TULP1: variants seen among roughly 807,000 people sequenced by gnomAD.
TULP1 encodes TUB like protein 1, also known as tubby-related protein 1.
Under a neutral mutation model 67.1 loss-of-function variants are expected in TULP1, and 50 were observed. The observed-to-expected ratio is 0.75, with a 90% confidence interval of 0.59 to 0.94. TULP1 has a LOEUF of 0.94. Ranked by LOEUF, TULP1 falls within the 40% of genes least tolerant of loss-of-function variation. The pLI is 0.00. For synonymous variants in TULP1, 297 were observed against 294.0 expected, an observed-to-expected ratio of 1.01 and a Z score of -0.11; for missense variants, 746 against 734.1, an observed-to-expected ratio of 1.02 and a Z score of -0.19.
intron 11 of TULP1, among the ~76,000 whole-genome samples, chr6:35,505,184 G>A (rs1230208135): frequency 2.0e-5 from 3 of 152,090 alleles, no homozygotes; most frequent in Non-Finnish European, 4.4e-5. Flanking sequence ...TGATCCACCC[G>A]CCTTGGCCTC....
In TULP1 at chr6:35,505,985, C is replaced by T. The variant is rs750063639; in HGVS notation, c.999+18G>A. Reference sequence around the variant, plus strand: ...GGATCCCTCCACACTCCCTCCTCTGCTGCCTCTCCCCACCCACCTTCTTCT... The same window carrying T: ...GGATCCCTCCACACTCCCTCCTCTGTTGCCTCTCCCCACCCACCTTCTTCT... On this transcript the variant is annotated intron_variant, in intron 10 of 14. Transcript: ENST00000229771. 4.3e-6 allele frequency: 7 copies of T among 1,614,142 alleles called. No homozygotes were observed. The Admixed American group carries it at 6.7e-5, about 15-fold the overall frequency.
rs371698754 is a variant in TULP1, at chr6:35,499,907, G to A, written c.1495+74C>T. Reference sequence around the variant, plus strand: ...CTGGTGTGTGTGTGTGTGAGGGGGTGAGGGGAGCTTGAATGAAGGTCAGCA... The same window carrying A: ...CTGGTGTGTGTGTGTGTGAGGGGGTAAGGGGAGCTTGAATGAAGGTCAGCA... On this transcript the variant is annotated intron_variant, in intron 14 of 14. Coordinates refer to ENST00000229771, the MANE Select transcript of TULP1 (RefSeq NM_003322.6). 148 of 1,553,860 alleles carry A rather than the reference G, an allele frequency of 9.5e-5. 4 individuals carry two copies. In the South Asian group the frequency reaches 1.6e-3, roughly 17 times the overall value.
Position 35,499,833 on chromosome 6 carries a change from A to G in TULP1, c.1495+148T>C, listed in dbSNP as rs528494318. On this transcript the variant is annotated intron_variant, in intron 14 of 14. Transcript: ENST00000229771. Reference sequence around the variant, plus strand: ...TCCTGAGAGCACAGTGTCAGTGCCTATGGAGGAGAGAGTGACCCTGTGGGA... The same window carrying G: ...TCCTGAGAGCACAGTGTCAGTGCCTGTGGAGGAGAGAGTGACCCTGTGGGA... 1.6e-5 allele frequency: 16 copies of G among 983,030 alleles called. No homozygotes were observed. In the South Asian group the frequency reaches 2.0e-4, roughly 12 times the overall value. 60.9% of individuals were successfully genotyped at this position (983,030 alleles called of 1,614,324 possible). A position where few individuals can be genotyped will look rare whatever the true frequency, so the allele number is the denominator to read the frequency against.
intron 7 of TULP1, 96 bp from the exon 8 acceptor site, chr6:35,509,408 A>G (rs1761151110): frequency 8.0e-7 from 1 of 1,250,980 alleles, no homozygotes. Context: ...CCCCACAACC[A>G]CAAGAGAGTC....
rs1224183242 is a variant in TULP1, at chr6:35,498,094, G to A, written c.*233C>T. ...GCAGGCGAGCTCCGAGACCAGATGTGCGGCTCCAACTCCAGATGTTCTTCA... is the reference window on the plus strand; with the variant it reads ...GCAGGCGAGCTCCGAGACCAGATGTACGGCTCCAACTCCAGATGTTCTTCA... On this transcript the variant is annotated 3_prime_UTR_variant, in exon 15 of 15. Coordinates refer to ENST00000229771, the MANE Select transcript of TULP1 (RefSeq NM_003322.6). This position sits in a 1 kb window ranked among gnomAD's most constrained non-coding sequence, Gnocchi z 6.7. 4.5e-6 allele frequency: 3 copies of A among 661,144 alleles called. No individual in the cohort carries two copies. The highest frequency in any genetic ancestry group is 7.6e-6 in the Non-Finnish European group (3 of 395,060). 41.0% of individuals were successfully genotyped at this position (661,144 alleles called of 1,614,324 possible).
At chr6:35,509,799 C>A (rs752309758) in intron 6 of TULP1, 28 bp downstream of exon 6, 2 of 1,614,004 alleles carry the variant, frequency 1.2e-6, no homozygotes, top group South Asian at 1.1e-5. Flanking sequence ...CAACTGGAGT[C>A]CCCTGTTCCT....
At position 35,512,260 on chromosome 6, in the gene TULP1, G is replaced by C. The variant is rs1761225244; in HGVS notation, c.110C>G (p.Pro37Arg). 1 of 1,398,002 alleles carries C rather than the reference G, an allele frequency of 7.2e-7. No individual in the cohort carries two copies. The allele number at this position is 1,398,002 out of a possible 1,614,324, so 86.6% of individuals were successfully genotyped here. ...CCTCTTCTTCCTTAGCCTCTGTGCC[G>C]GGGCGGGTCGCTGCGGAACGGGGGT... The part of the protein sequence containing the change: ...APRRPKQRPA[P>R]AQRLRKKRTE... Residue 37 changes from proline (P) to arginine (R), a missense_variant, in exon 3 of 15, where the codon CCG (proline) becomes CGG (arginine). Pro to Arg is a moderately radical substitution (Grantham distance 103). Transcript: ENST00000229771.
Position 35,498,299 on chromosome 6 carries a change from C to T in TULP1, c.*28G>A, listed in dbSNP as rs1768746225. 6 of 1,610,400 alleles carry T rather than the reference C, an allele frequency of 3.7e-6. No individual in the cohort carries two copies. Among genetic ancestry groups the T allele is most frequent in the African/African-American group, 1.3e-5 (1 of 74,876 alleles). On this transcript the variant is annotated 3_prime_UTR_variant, in exon 15 of 15. Coordinates refer to ENST00000229771, the MANE Select transcript of TULP1 (RefSeq NM_003322.6). This position sits in a 1 kb window ranked among gnomAD's most constrained non-coding sequence, Gnocchi z 6.7. ...GAATCCTTTCCCCCACGCTGACGGG[C>T]TCTGGGGGCGCTGAGGGGCTGCTGG...
chr6:35,497,936 C>T lies in TULP1; in HGVS notation c.*391G>A, dbSNP rs1038828059. 3.3e-6 allele frequency: 1 copy of T among 307,038 alleles called. No individual in the cohort carries two copies. Among genetic ancestry groups the T allele is most frequent in the South Asian group, 3.8e-5 (1 of 26,092 alleles). The allele number at this position is 307,038 out of a possible 1,614,324, so 19.0% of individuals were successfully genotyped here. A position where few individuals can be genotyped will look rare whatever the true frequency, so the allele number is the denominator to read the frequency against. On this transcript the variant is annotated 3_prime_UTR_variant, in exon 15 of 15. Coordinates refer to ENST00000229771, the MANE Select transcript of TULP1 (RefSeq NM_003322.6). ...CTGGCCCTCGTCCCCCATCACCTAC[C>T]CCCTCCTCCTAGCCCGCCCCAGCTC...
At chr6:35,500,489 G>C (rs79078342) in intron 13 of TULP1, among the ~76,000 whole-genome samples, 2,664 of 152,286 alleles carry the variant, frequency 0.017, 41 homozygotes, top group Middle Eastern at 0.051. Context: ...AGCCAATCTT[G>C]GACCTGCAAA....
intron 11 of TULP1, chr6:35,504,216 G>A: frequency 3.6e-6 from 1 of 280,386 alleles, no homozygotes; most frequent in South Asian, 3.8e-5. Flanking sequence ...GCATGTGCCT[G>A]TAGTCCCAGC....
Position 35,503,484 on chromosome 6 carries a change from G to T in TULP1, c.1323+75C>A. ...GGGTGATGGATGTGCTCAGGGAGTTGGCTATTTCCTAAGCTGAGCCCCGAC... is the reference window on the plus strand; with the variant it reads ...GGGTGATGGATGTGCTCAGGGAGTTTGCTATTTCCTAAGCTGAGCCCCGAC... On this transcript the variant is annotated intron_variant, in intron 13 of 14. Transcript: ENST00000229771. The surrounding 1 kb of genome is among the most constrained non-coding windows in gnomAD (Gnocchi z 4.0). 1.4e-6 allele frequency: 2 copies of T among 1,410,338 alleles called. No homozygotes were observed. Among genetic ancestry groups the T allele is most frequent in the Non-Finnish European group, 2.0e-6 (2 of 1,023,176 alleles). 87.4% of individuals were successfully genotyped at this position (1,410,338 alleles called of 1,614,324 possible). A position where few individuals can be genotyped will look rare whatever the true frequency, so the allele number is the denominator to read the frequency against.
At chr6:35,505,713 C>T (rs2150925168) in intron 11 of TULP1, 28 bp downstream of exon 11, 1 of 1,613,128 alleles carries the variant, frequency 6.2e-7, no homozygotes, top group Non-Finnish European at 8.5e-7. Flanking sequence ...GACCCAAGTC[C>T]CCCCAGCCCC....
chr6:35,510,163 T>C (rs536727170), intron 5 of TULP1, among the ~76,000 whole-genome samples: 87 of 152,156 alleles, frequency 5.7e-4, no homozygotes, highest in African/African-American at 2.0e-3. Context: ...AAGTGATTCT[T>C]GTGCCTCAGC....
chr6:35,509,583 C>T, intron 7 of TULP1, 51 bp downstream of exon 7: 1 of 1,575,008 alleles, frequency 6.3e-7, no homozygotes, highest in Non-Finnish European at 8.7e-7. Flanking sequence ...TAGCTCCCCG[C>T]CCCCAGGACC....
At position 35,512,795 on chromosome 6, in the gene TULP1, C is replaced by T. The variant is rs774702137; in HGVS notation, c.47+17G>A. ...CCCCCCAGGGTTCAGGTGCCACGAA[C>T]TGGGGGCCTTCCAGACCTGTCAGAG... is the stretch of plus-strand genomic sequence containing the variant. On this transcript the variant is annotated intron_variant, in intron 1 of 14. Coordinates refer to ENST00000229771, the MANE Select transcript of TULP1 (RefSeq NM_003322.6). 2.1e-6 allele frequency: 3 copies of T among 1,457,200 alleles called. No individual in the cohort carries two copies. The highest frequency in any genetic ancestry group is 6.3e-5 in the East Asian group (2 of 31,878). The allele number at this position is 1,457,200 out of a possible 1,614,324, so 90.3% of individuals were successfully genotyped here. A position where few individuals can be genotyped will look rare whatever the true frequency, so the allele number is the denominator to read the frequency against.
At chr6:35,508,211 C>T (rs1561816466) in intron 8 of TULP1, among the ~76,000 whole-genome samples, 1 of 152,198 alleles carries the variant, frequency 6.6e-6, no homozygotes, top group Non-Finnish European at 1.5e-5. Flanking sequence ...AAGTGATCAC[C>T]TGTTCTCTAC....
Position 35,505,053 on chromosome 6 carries a change from C to G in TULP1, c.1112+688G>C, listed in dbSNP as rs894397748. ...TTGGGTTCAAGAGATTCTCCCACCT[C>G]AGCCTCCCAGGTAGCTGGGACTCCA... On this transcript the variant is annotated intron_variant, in intron 11 of 14. Coordinates refer to ENST00000229771, the MANE Select transcript of TULP1 (RefSeq NM_003322.6). Among the ~76,000 whole-genome samples the G allele has an allele frequency of 1.1e-4, 17 of 152,278 alleles. No individual in the cohort carries two copies. The East Asian group carries it at 1.4e-3, about 12-fold the overall frequency.
chr6:35,503,849 C>T lies in TULP1; in HGVS notation c.1113-1G>A. On this transcript the variant is annotated splice_acceptor_variant, in intron 11 of 14. Coordinates refer to ENST00000229771, the MANE Select transcript of TULP1 (RefSeq NM_003322.6). LOFTEE classifies it high-confidence loss of function. The surrounding 1 kb of genome is among the most constrained non-coding windows in gnomAD (Gnocchi z 4.0). ...GAAGCGGTTCCCCAGGAGGTTGGAC[C>T]TGCAAGCAGGGTAGAGCTTGGGGTG... The T allele has an allele frequency of 6.2e-7, 1 of 1,605,310 alleles. No homozygotes were observed. Among genetic ancestry groups the T allele is most frequent in the East Asian group, 2.2e-5 (1 of 44,682 alleles).
Sources: allele counts gnomAD v4.1 joint callset (sites outside exome capture counted in the v4.1 genomes callset), GRCh38; gene constraint gnomAD v4.1.1; non-coding constraint Gnocchi (gnomAD v3.1); transcripts MANE v1.5; gene names NCBI Gene and HGNC (gene_info 2026-07-23, HGNC 2026-07-21).